Variants in RANBP3L observed in about 807,000 individuals in gnomAD.
RANBP3L encodes RAN binding protein 3 like, also known as ran-binding protein 3-like.
Under a neutral mutation model 67.2 loss-of-function variants are expected in RANBP3L, and 56 were observed. The ratio of observed to expected loss-of-function variants is 0.83; its 90% CI spans 0.67 to 1.04. The LOEUF is 1.04. Ranked by LOEUF, RANBP3L falls within the 50% of genes least tolerant of loss-of-function variation. RANBP3L has a pLI of 0.00. For missense variants in RANBP3L, 496 were observed against 535.5 expected (o/e 0.93, Z 0.73); for synonymous variants, 164 against 181.4 (o/e 0.90, Z 0.77).
chr5:36,278,973 G>A (rs1483481548), intron 1 of RANBP3L, among the ~76,000 whole-genome samples: 2 of 152,080 alleles, frequency 1.3e-5, no homozygotes, highest in African/African-American at 4.8e-5. Flanking sequence ...TAAGCTGGAA[G>A]CATAAACTAC....
At chr5:36,276,779 C>T (rs1461598935) in intron 1 of RANBP3L, among the ~76,000 whole-genome samples, 3 of 152,042 alleles carry the variant, frequency 2.0e-5, no homozygotes, top group Non-Finnish European at 4.4e-5. Context: ...AAAGGATCTA[C>T]TGAGTCAAAA....
In RANBP3L at chr5:36,297,437, A is replaced by ACG. The variant is rs1752304628; in HGVS notation, c.91+3888_91+3889insCG. Among the ~76,000 whole-genome samples, 9 of 151,610 alleles carry ACG rather than the reference A, an allele frequency of 5.9e-5. No individual in the cohort carries two copies. In the South Asian group the frequency reaches 1.9e-3, roughly 32 times the overall value. ...AGGAGTCACCTGTATACACACACACACACACACACGCACACACACACATCC... is the reference window on the plus strand; with the variant it reads ...AGGAGTCACCTGTATACACACACACACGCACACACACGCACACACACACATCC... On this transcript the variant is annotated intron_variant, in intron 1 of 13. Coordinates refer to ENST00000296604, the MANE Select transcript of RANBP3L (RefSeq NM_145000.5).
rs777480496 is a variant in RANBP3L, at chr5:36,255,495, G to A, written c.999C>T (p.Asp333=). 3.7e-6 allele frequency: 6 copies of A among 1,611,398 alleles called. No homozygotes were observed. The Admixed American group carries it at 1.0e-4, about 27-fold the overall frequency. The change falls in exon 11 of 14, where the codon GAC becomes GAT. Residue 333 remains aspartate (D), a synonymous_variant. Transcript: ENST00000296604. ...TTAGTCTTGACTGTAATGTTCCACA[G>A]TCAGTGCTTGCTGTGTCATTCAGTC... The part of the protein sequence containing the change: ...TLRLNDTAST[D]CGTLQSRLIM...
chr5:36,274,852 C>A (rs569586690), intron 1 of RANBP3L, among the ~76,000 whole-genome samples: 1 of 151,966 alleles, frequency 6.6e-6, no homozygotes, highest in African/African-American at 2.4e-5. Context: ...GATGAGGCTG[C>A]TCTTTTTTCT....
At position 36,262,823 on chromosome 5, in the gene RANBP3L, T is replaced by C. The variant is rs559051809; in HGVS notation, c.481-781A>G. On this transcript the variant is annotated intron_variant, in intron 6 of 13. Transcript: ENST00000296604. Reference sequence around the variant, plus strand: ...TGTATCAAGAGAGCATGTGCCATGGTTGGCAAAGATCGAAGTACATGCTCA... The same window carrying C: ...TGTATCAAGAGAGCATGTGCCATGGCTGGCAAAGATCGAAGTACATGCTCA... Among the ~76,000 whole-genome samples the C allele has an allele frequency of 4.6e-5, 7 of 152,288 alleles. No homozygotes were observed. The East Asian group carries it at 1.4e-3, about 29-fold the overall frequency.
intron 1 of RANBP3L, among the ~76,000 whole-genome samples, chr5:36,276,248 T>C (rs1750558340): frequency 6.6e-6 from 1 of 152,202 alleles, no homozygotes; most frequent in Non-Finnish European, 1.5e-5. Context: ...CTTTAGTTCT[T>C]GGCCTTCACC....
chr5:36,294,802 GTA>G (rs1258142584), intron 1 of RANBP3L, among the ~76,000 whole-genome samples: 1 of 146,398 alleles, frequency 6.8e-6, no homozygotes, highest in African/African-American at 2.5e-5. Context: ...TATATATAGT[GTA>G]TATATGTATG....
At chr5:36,292,052 T>C (rs1388721438) in intron 1 of RANBP3L, among the ~76,000 whole-genome samples, 1 of 143,384 alleles carries the variant, frequency 7.0e-6, no homozygotes, top group Non-Finnish European at 1.5e-5. Flanking sequence ...CCACATCCTC[T>C]CCAGCACCTG....
chr5:36,279,366 TA>T (rs1228346923), intron 1 of RANBP3L, among the ~76,000 whole-genome samples: 1 of 152,078 alleles, frequency 6.6e-6, no homozygotes, highest in East Asian at 1.9e-4. Flanking sequence ...TTTAATGAAA[TA>T]AACAACAAAC....
At chr5:36,286,050 G>A (rs1489677815) in intron 1 of RANBP3L, among the ~76,000 whole-genome samples, 2 of 152,172 alleles carry the variant, frequency 1.3e-5, no homozygotes, top group African/African-American at 4.8e-5. Context: ...CCTGGGGAAT[G>A]TCGTTTTGTC....
Position 36,265,049 on chromosome 5 carries a change from TA to T in RANBP3L, c.389del (p.Leu130HisfsTer10). On this transcript the variant is annotated frameshift_variant, in exon 6 of 14. Coordinates refer to ENST00000296604, the MANE Select transcript of RANBP3L (RefSeq NM_145000.5). LOFTEE classifies it high-confidence loss of function. The part of the protein sequence containing the change: ...KHVIRPAILQ[L>X]PQARSCAKVR... Reference sequence around the variant, plus strand: ...CTTTTGCACAACTTCGAGCTTGAGGTAGCTGCAAAATAGCAGGTCTAATAAC... The same window carrying T: ...CTTTTGCACAACTTCGAGCTTGAGGTGCTGCAAAATAGCAGGTCTAATAAC... The T allele has an allele frequency of 6.2e-7, 1 of 1,612,886 alleles. No homozygotes were observed. Among genetic ancestry groups the T allele is most frequent in the South Asian group, 1.1e-5 (1 of 91,016 alleles).
Position 36,257,555 on chromosome 5 carries a change from C to T in RANBP3L, c.671G>A (p.Gly224Asp), listed in dbSNP as rs1160410667. 3.5e-6 allele frequency: 5 copies of T among 1,439,784 alleles called. No individual in the cohort carries two copies. Among genetic ancestry groups the T allele is most frequent in the Non-Finnish European group, 4.8e-6 (5 of 1,045,420 alleles). 89.2% of individuals were successfully genotyped at this position (1,439,784 alleles called of 1,614,324 possible). The change falls in exon 9 of 14, where the codon GGT becomes GAT. Residue 224 changes from glycine (G) to aspartate (D), a missense_variant and splice_region_variant. Physicochemically the swap from Gly to Asp is moderately conservative, Grantham distance 94. Transcript: ENST00000296604. ...FGENMVERVLGTQKLTQPQLE... is the reference protein window; with the variant it reads ...FGENMVERVLDTQKLTQPQLE... ...TTGAGGCTGGGTGAGTTTTTGAGTA[C>T]CCTGAGAGCGGAAAAAGATGCATTA...
intron 1 of RANBP3L, among the ~76,000 whole-genome samples, chr5:36,294,976 A>G (rs1276416318): frequency 6.7e-6 from 1 of 150,160 alleles, no homozygotes; most frequent in Non-Finnish European, 1.5e-5. Flanking sequence ...GTATACATAT[A>G]TATACACACA....
Position 36,249,089 on chromosome 5 carries a change from C to T in RANBP3L, c.*565G>A, listed in dbSNP as rs1198606138. 6.6e-6 allele frequency: 1 copy of T among 152,012 alleles called. No homozygotes were observed. Among genetic ancestry groups the T allele is most frequent in the Non-Finnish European group, 1.5e-5 (1 of 67,928 alleles). The allele number at this position is 152,012 out of a possible 1,614,324, so 9.4% of individuals were successfully genotyped here. A position where few individuals can be genotyped will look rare whatever the true frequency, so the allele number is the denominator to read the frequency against. On this transcript the variant is annotated 3_prime_UTR_variant, in exon 14 of 14. Coordinates refer to ENST00000296604, the MANE Select transcript of RANBP3L (RefSeq NM_145000.5). ...TGACAAGATGCAACAGATACAAGTC[C>T]AAGAGCAGATGCTCTTTTTAAAGGA...
rs769338176 is a variant in RANBP3L at position 36,261,925 on chromosome 5, T to A, written c.584+14A>T. ...GAATGAAAGGACAACGCTTCTATTT[T>A]CTCATTAACTTACCCTACTGATGTT... On this transcript the variant is annotated intron_variant, in intron 7 of 13. Transcript: ENST00000296604. 9 of 1,212,586 alleles carry A rather than the reference T, an allele frequency of 7.4e-6. No individual in the cohort carries two copies. The Admixed American group carries it at 1.8e-4, about 24-fold the overall frequency. The allele number at this position is 1,212,586 out of a possible 1,614,324, so 75.1% of individuals were successfully genotyped here.
intron 1 of RANBP3L, among the ~76,000 whole-genome samples, chr5:36,283,897 G>T (rs10063851): frequency 0.033 from 4,990 of 152,104 alleles, 207 homozygotes; most frequent in East Asian, 0.15. Flanking sequence ...TTCAGCTTCA[G>T]CCCATCCTGC....
chr5:36,296,320 A>G (rs1752213386), intron 1 of RANBP3L, among the ~76,000 whole-genome samples: 1 of 152,148 alleles, frequency 6.6e-6, no homozygotes, highest in Non-Finnish European at 1.5e-5. Flanking sequence ...GGGCAGTCTT[A>G]TGGGACTAAG....
chr5:36,254,673 T>G (rs1293042793), intron 11 of RANBP3L, among the ~76,000 whole-genome samples: 2 of 152,066 alleles, frequency 1.3e-5, no homozygotes, highest in Non-Finnish European at 1.5e-5. Flanking sequence ...TAACCATTTC[T>G]TGAGTTTGAT....
chr5:36,253,407 G>T (rs569375590), intron 12 of RANBP3L, among the ~76,000 whole-genome samples: 1 of 152,200 alleles, frequency 6.6e-6, no homozygotes, highest in South Asian at 2.1e-4. Context: ...AAAGGCTAGA[G>T]ATTTGATGGC....
Sources: allele counts gnomAD v4.1 joint callset (sites outside exome capture counted in the v4.1 genomes callset), GRCh38; gene constraint gnomAD v4.1.1; transcripts MANE v1.5; gene names NCBI Gene and HGNC (gene_info 2026-07-23, HGNC 2026-07-21).